Variants in PDGFRL observed in about 807,000 individuals in gnomAD.
PDGFRL encodes the protein platelet-derived growth factor receptor-like protein.
Under a neutral mutation model 37.2 loss-of-function variants are expected in PDGFRL, and 46 were observed. The observed-to-expected ratio is 1.24, with a 90% CI of 0.98 to 1.58. The LOEUF (loss-of-function observed/expected upper bound fraction) is 1.58. Among genes scored for constraint, PDGFRL ranks in the 40% most tolerant of loss-of-function variants. The pLI is 0.00. For missense variants in PDGFRL, 692 were observed against 467.6 expected, an observed-to-expected ratio of 1.48 and a Z score of -4.43; for synonymous variants, 251 against 184.3, an observed-to-expected ratio of 1.36 and a Z score of -2.93.
intron 4 of PDGFRL, among the ~76,000 whole-genome samples, chr8:17,629,496 C>T (rs1250871679): frequency 1.3e-5 from 2 of 152,306 alleles, no homozygotes; most frequent in East Asian, 3.9e-4. Context: ...TGGCATCCTT[C>T]TTGTACCCAT....
At position 17,628,504 on chromosome 8, in the gene PDGFRL, G is replaced by T; in HGVS notation, c.523G>T (p.Val175Leu). The T allele has an allele frequency of 6.2e-7, 1 of 1,613,574 alleles. No homozygotes were observed. Among genetic ancestry groups the T allele is most frequent in the South Asian group, 1.1e-5 (1 of 91,064 alleles). The change falls in exon 4 of 6, where the codon GTA becomes TTA. Residue 175 changes from valine (V) to leucine (L), a missense_variant. Val to Leu is a conservative substitution (Grantham distance 32). Coordinates refer to ENST00000251630, the MANE Select transcript of PDGFRL (RefSeq NM_001372073.1). ...IFFTEKGELF[V>L]PSPSYFDVVY... ...CTTTGCAGAGAAAGGAGAACTCTTT[G>T]TACCTTCTCCCAGCTACTTCGATGT...
chr8:17,588,254 A>G (rs1803858563), intron 1 of PDGFRL, among the ~76,000 whole-genome samples: 1 of 152,208 alleles, frequency 6.6e-6, no homozygotes. Context: ...ATTTATATGT[A>G]AGCTTCAGAT....
rs747066111 is a variant in PDGFRL at position 17,577,426 on chromosome 8, C to T, written c.55+119C>T. The T allele has an allele frequency of 5.6e-4, 458 of 824,032 alleles. 1 individual carries two copies. The highest frequency in any genetic ancestry group is 7.8e-4 in the Non-Finnish European group (384 of 492,566). 51.0% of individuals were successfully genotyped at this position (824,032 alleles called of 1,614,324 possible). A position where few individuals can be genotyped will look rare whatever the true frequency, so the allele number is the denominator to read the frequency against. On this transcript the variant is annotated intron_variant, in intron 1 of 5. Coordinates refer to ENST00000251630, the MANE Select transcript of PDGFRL (RefSeq NM_001372073.1). The stretch of plus-strand genomic sequence containing the variant: ...ACGTTCGGCCCTCGGTGGCTCAGCC[C>T]CCGCGCCACTGCCTGCCCGGTGCAC...
At position 17,642,759 on chromosome 8, in the gene PDGFRL, T is replaced by C. The variant is rs1805171587; in HGVS notation, c.1086T>C (p.Leu362=). The C allele has an allele frequency of 1.2e-6, 2 of 1,611,912 alleles. No homozygotes were observed. Among genetic ancestry groups the C allele is most frequent in the Non-Finnish European group, 1.7e-6 (2 of 1,177,942 alleles). The change falls in exon 6 of 6, where the codon CTT becomes CTC. Residue 362 remains leucine, a synonymous_variant. Transcript: ENST00000251630. ...ATTACATTTGCACTGCTCAGAATCT[T>C]CAAGGACAGACCACAGTAGCTACCA... The part of the protein sequence containing the change: ...AGYYICTAQN[L]QGQTTVATTV...
At chr8:17,586,294 C>T (rs1463492014) in intron 1 of PDGFRL, among the ~76,000 whole-genome samples, 1 of 152,138 alleles carries the variant, frequency 6.6e-6, no homozygotes, top group Non-Finnish European at 1.5e-5. Context: ...CCGAGGGGAT[C>T]CAGTGTGTGC....
chr8:17,629,085 CTTTTTTT>C (rs397892660), intron 4 of PDGFRL, among the ~76,000 whole-genome samples: 2 of 122,932 alleles, frequency 1.6e-5, no homozygotes, highest in Admixed American at 8.6e-5. Flanking sequence ...GCCCTGCTAA[CTTTTTTT>C]TTTTTTTTTT....
chr8:17,600,394 T>C (rs1466316856), intron 2 of PDGFRL, among the ~76,000 whole-genome samples: 1 of 152,206 alleles, frequency 6.6e-6, no homozygotes, highest in East Asian at 1.9e-4. Context: ...ATGTTGGTTC[T>C]ATACACTCCT....
chr8:17,629,085 C>T (rs1280476471), intron 4 of PDGFRL, among the ~76,000 whole-genome samples: 1 of 122,932 alleles, frequency 8.1e-6, no homozygotes, highest in African/African-American at 3.1e-5. Context: ...GCCCTGCTAA[C>T]TTTTTTTTTT....
chr8:17,632,632 C>G (rs185846683), intron 4 of PDGFRL, among the ~76,000 whole-genome samples: 8 of 152,176 alleles, frequency 5.3e-5, no homozygotes, highest in Non-Finnish European at 1.2e-4. Context: ...CCACTGTGCC[C>G]GTTCCCTGAT....
chr8:17,608,918 C>T (rs1804344378), intron 2 of PDGFRL, among the ~76,000 whole-genome samples: 1 of 152,096 alleles, frequency 6.6e-6, no homozygotes, highest in Admixed American at 6.6e-5. Context: ...GAGACTTGTA[C>T]AAAGCAGAGC....
chr8:17,630,050 T>C (rs923279994), intron 4 of PDGFRL, among the ~76,000 whole-genome samples: 1 of 152,138 alleles, frequency 6.6e-6, no homozygotes, highest in Non-Finnish European at 1.5e-5. Context: ...TCCCCATGCC[T>C]GTACTCAGAG....
chr8:17,593,907 A>AGT (rs1803996459), intron 2 of PDGFRL, among the ~76,000 whole-genome samples: 1 of 152,030 alleles, frequency 6.6e-6, no homozygotes, highest in South Asian at 2.1e-4. Context: ...AAAAGAAAAA[A>AGT]AAAGAAAAAA....
chr8:17,642,689 A>G lies in PDGFRL; in HGVS notation c.1016A>G (p.Gln339Arg), dbSNP rs1037730787. The G allele has an allele frequency of 6.2e-7, 1 of 1,602,382 alleles. No individual in the cohort carries two copies. The change falls in exon 6 of 6, where the codon CAG (glutamine) becomes CGG (arginine). Residue 339 changes from glutamine (Q) to arginine (R), a missense_variant. Gln to Arg is a conservative substitution (Grantham distance 43). Coordinates refer to ENST00000251630, the MANE Select transcript of PDGFRL (RefSeq NM_001372073.1). Reference sequence around the variant, plus strand: ...CTGGGACACACCACGAGAATCTCCCAGAGTGTCATTACAGTGGAAGACTTT... The same window carrying G: ...CTGGGACACACCACGAGAATCTCCCGGAGTGTCATTACAGTGGAAGACTTT... ...RGLGHTTRISQSVITVEDFET... is the reference protein window; with the variant it reads ...RGLGHTTRISRSVITVEDFET...
intron 2 of PDGFRL, among the ~76,000 whole-genome samples, chr8:17,611,511 G>A (rs963597431): frequency 2.6e-5 from 4 of 152,290 alleles, no homozygotes; most frequent in South Asian, 2.1e-4. Context: ...GGACCCTGAC[G>A]AGTAACCACG....
chr8:17,631,935 C>T (rs1360537792), intron 4 of PDGFRL, among the ~76,000 whole-genome samples: 1 of 152,200 alleles, frequency 6.6e-6, no homozygotes. Flanking sequence ...ACTGGTAACT[C>T]CCAAGTGAAC....
chr8:17,642,565 T>C (rs1271582408), intron 5 of PDGFRL, 48 bp from the exon 6 acceptor site: 3 of 1,164,352 alleles, frequency 2.6e-6, no homozygotes, highest in Non-Finnish European at 2.6e-6. Flanking sequence ...GAGCTCTTTA[T>C]AGCAGCTTGT....
intron 2 of PDGFRL, among the ~76,000 whole-genome samples, chr8:17,603,777 A>G (rs1421590743): frequency 6.6e-6 from 1 of 152,172 alleles, no homozygotes; most frequent in Non-Finnish European, 1.5e-5. Flanking sequence ...TTTTAATAAA[A>G]TATTAAAGTC....
Position 17,589,705 on chromosome 8 carries a change from G to A in PDGFRL, c.293G>A (p.Gly98Glu). 1.9e-6 allele frequency: 3 copies of A among 1,613,532 alleles called. No individual in the cohort carries two copies. Among genetic ancestry groups the A allele is most frequent in the Non-Finnish European group, 1.7e-6 (2 of 1,179,518 alleles). The change falls in exon 2 of 6, where the codon GGG becomes GAG. Residue 98 changes from glycine (G) to glutamate (E), a missense_variant. Transcript: ENST00000251630. ...CAAACTGTAGAGCTTCGATGTAAAGGGAGTAGAATTGGGTGGAGCTACCCT... is the reference window on the plus strand; with the variant it reads ...CAAACTGTAGAGCTTCGATGTAAAGAGAGTAGAATTGGGTGGAGCTACCCT... ...AGQTVELRCK[G>E]SRIGWSYPAY... is the part of the protein sequence containing the mutation.
At chr8:17,615,911 A>T (rs191429918) in intron 2 of PDGFRL, among the ~76,000 whole-genome samples, 41 of 152,338 alleles carry the variant, frequency 2.7e-4, no homozygotes, top group Admixed American at 5.2e-4. Flanking sequence ...CCCTATCTCT[A>T]AACGAATAAA....
Sources: gnomAD v4.1 joint callset for allele counts (sites outside exome capture counted in the v4.1 genomes callset) on GRCh38, gnomAD v4.1.1 for gene constraint, MANE v1.5 for transcripts, NCBI Gene and HGNC (gene_info 2026-07-23, HGNC 2026-07-21) for gene names.